UNC13A: variants seen among roughly 807,000 people sequenced by gnomAD.
The protein encoded by UNC13A is unc-13 homolog A, also known as protein unc-13 homolog A.
A neutral mutation model predicts 219.7 loss-of-function variants in UNC13A; 61 were observed. That is an observed-to-expected ratio of 0.28 (90% confidence interval 0.23 to 0.34). The LOEUF is 0.34. Among genes scored for constraint, UNC13A ranks in the 10% least tolerant of loss-of-function variants. UNC13A has a pLI of 1.00. For missense variants in UNC13A, 1,476 were observed against 2,270.3 expected, an observed-to-expected ratio of 0.65 and a Z score of 7.11; for synonymous variants, 920 against 884.6, an observed-to-expected ratio of 1.04 and a Z score of -0.71.
At chr19:17,652,589 G>T (rs1390896466) in intron 12 of UNC13A, 42 bp downstream of exon 12, 1 of 1,613,042 alleles carries the variant, frequency 6.2e-7, no homozygotes, top group Non-Finnish European at 8.5e-7. Context: ...TTGGACTTGG[G>T]GTTCAAATCT....
In UNC13A at chr19:17,677,497, G is replaced by A. The variant is rs1215684928; in HGVS notation, c.23-1456C>T. ...TCCTGCCTCAGCTTCCCAAGTAGCTGGGACTACAGGCGTGCGCCACCATGC... is the reference window on the plus strand; with the variant it reads ...TCCTGCCTCAGCTTCCCAAGTAGCTAGGACTACAGGCGTGCGCCACCATGC... On this transcript the variant is annotated intron_variant, in intron 1 of 43. Coordinates refer to ENST00000519716, the MANE Select transcript of UNC13A (RefSeq NM_001080421.3). Among the ~76,000 whole-genome samples the A allele has an allele frequency of 2.0e-5, 3 of 151,954 alleles. No individual in the cohort carries two copies. The East Asian group carries it at 5.8e-4, about 29-fold the overall frequency.
At chr19:17,647,661 A>C (rs1599374549) in intron 16 of UNC13A, among the ~76,000 whole-genome samples, 169 bp from the exon 17 acceptor site, 10 of 120,334 alleles carry the variant, frequency 8.3e-5, no homozygotes, top group South Asian at 2.7e-4. Flanking sequence ...TCACCCTTCC[A>C]CCTCCTCTCG....
chr19:17,628,030 A>G, intron 31 of UNC13A, 90 bp from the exon 32 acceptor site: 1 of 1,332,726 alleles, frequency 7.5e-7, no homozygotes. Context: ...GGATGGTTTC[A>G]GGGTCTGGGT....
Position 17,649,942 on chromosome 19 carries a change from A to C in UNC13A, c.1440-355T>G, listed in dbSNP as rs1277885297. Among the ~76,000 whole-genome samples, 1 of 152,146 alleles carries C rather than the reference A, an allele frequency of 6.6e-6. No individual in the cohort carries two copies. The stretch of plus-strand genomic sequence containing the variant: ...CTCGGGGGCCAAGGAATTCAAGCAA[A>C]CTAGAAGCTAGAAGAGGCAGGGGAG... On this transcript the variant is annotated intron_variant, in intron 12 of 43. Coordinates refer to ENST00000519716, the MANE Select transcript of UNC13A (RefSeq NM_001080421.3). The surrounding 1 kb of genome is among the most constrained non-coding windows in gnomAD (Gnocchi z 4.4).
intron 1 of UNC13A, among the ~76,000 whole-genome samples, chr19:17,683,870 C>T (rs1022707791): frequency 6.6e-6 from 1 of 152,062 alleles, no homozygotes; most frequent in African/African-American, 2.4e-5. Flanking sequence ...GGGTGAATCA[C>T]TTGAGCCCAG....
In UNC13A at chr19:17,640,639, T is replaced by C; in HGVS notation, c.2659A>G (p.Lys887Glu). ...AMTHFACLSS[K>E]YMCPGVPAVM... Reference sequence around the variant, plus strand: ...GCAGGCACCCCTGGGCACATATACTTGGAGGAGAGGCAGGCAAAGTGGCTG... The same window carrying C: ...GCAGGCACCCCTGGGCACATATACTCGGAGGAGAGGCAGGCAAAGTGGCTG... Residue 887 changes from lysine (K) to glutamate (E), a missense_variant, in exon 22 of 44, where the codon AAG (lysine) becomes GAG (glutamate). Physicochemically the swap from Lys to Glu is moderately conservative, Grantham distance 56. Coordinates refer to ENST00000519716, the MANE Select transcript of UNC13A (RefSeq NM_001080421.3). 6.3e-7 allele frequency: 1 copy of C among 1,592,734 alleles called. No individual in the cohort carries two copies. The highest frequency in any genetic ancestry group is 8.5e-7 in the Non-Finnish European group (1 of 1,170,518).
At chr19:17,614,896 G>A (rs1290333201) in intron 41 of UNC13A, among the ~76,000 whole-genome samples, 1 of 152,188 alleles carries the variant, frequency 6.6e-6, no homozygotes, top group East Asian at 1.9e-4. Flanking sequence ...GGGGGTGCCA[G>A]GGGGAATTGG....
chr19:17,620,795 C>A, intron 37 of UNC13A, 73 bp from the exon 38 acceptor site: 1 of 1,545,800 alleles, frequency 6.5e-7, no homozygotes, highest in South Asian at 1.2e-5. Flanking sequence ...CTTCCCTGCC[C>A]CCTCAAAGCA....
At chr19:17,679,225 C>A (rs7257957) in intron 1 of UNC13A, among the ~76,000 whole-genome samples, 16,491 of 151,832 alleles carry the variant, frequency 0.11, 1,629 homozygotes, top group African/African-American at 0.26. Context: ...CATGGTAAAA[C>A]CCCATCTCTA....
At chr19:17,673,357 C>CA (rs369463898) in intron 3 of UNC13A, among the ~76,000 whole-genome samples, 45,521 of 102,476 alleles carry the variant, frequency 0.44, 9,083 homozygotes, top group African/African-American at 0.55. Context: ...AACTCAGTCT[C>CA]AAAAAAAAAA....
intron 29 of UNC13A, 68 bp downstream of exon 29, chr19:17,630,586 G>T: frequency 6.4e-7 from 1 of 1,552,396 alleles, no homozygotes; most frequent in African/African-American, 1.4e-5. Flanking sequence ...TCATCTCAAG[G>T]GCAAATTTCC....
Position 17,649,188 on chromosome 19 carries a change from G to A in UNC13A, c.1524+151C>T. The A allele has an allele frequency of 7.6e-7, 1 of 1,322,810 alleles. No individual in the cohort carries two copies. The highest frequency in any genetic ancestry group is 1.0e-6 in the Non-Finnish European group (1 of 957,262). 81.9% of individuals were successfully genotyped at this position (1,322,810 alleles called of 1,614,324 possible). On this transcript the variant is annotated intron_variant, in intron 14 of 43. Coordinates refer to ENST00000519716, the MANE Select transcript of UNC13A (RefSeq NM_001080421.3). This position sits in a 1 kb window ranked among gnomAD's most constrained non-coding sequence, Gnocchi z 4.4. ...TTTGAGTTAGAAGGGACCCTGGAAAGTGAGCAGCCCCGCACCCCTGACTCA... is the reference window on the plus strand; with the variant it reads ...TTTGAGTTAGAAGGGACCCTGGAAAATGAGCAGCCCCGCACCCCTGACTCA...
chr19:17,636,285 A>C, intron 25 of UNC13A, 128 bp from the exon 26 acceptor site: 1 of 1,172,670 alleles, frequency 8.5e-7, no homozygotes, highest in South Asian at 2.0e-5. Flanking sequence ...TCAGGTAAGA[A>C]ATCTATATAG....
At chr19:17,611,991 G>A (rs966884498) in intron 41 of UNC13A, 136 bp from the exon 42 acceptor site, 1 of 651,452 alleles carries the variant, frequency 1.5e-6, no homozygotes, top group Admixed American at 2.8e-5. Flanking sequence ...CTGATGGGGG[G>A]CCAGGATGGG....
chr19:17,670,825 G>A (rs1237002076), intron 4 of UNC13A, among the ~76,000 whole-genome samples: 1 of 151,690 alleles, frequency 6.6e-6, no homozygotes, highest in Admixed American at 6.6e-5. Context: ...AATCACTTAA[G>A]CCAGGGAGGC....
chr19:17,623,878 A>G (rs1002102719), intron 35 of UNC13A, among the ~76,000 whole-genome samples: 1 of 151,926 alleles, frequency 6.6e-6, no homozygotes, highest in African/African-American at 2.4e-5. Context: ...ATCCCTCTAC[A>G]GATGTTTGGG....
At chr19:17,619,631 T>C (rs55945495) in intron 38 of UNC13A, among the ~76,000 whole-genome samples, 44,269 of 151,796 alleles carry the variant, frequency 0.29, 7,280 homozygotes, top group Non-Finnish European at 0.36. Context: ...TGGGGTCTTG[T>C]TGTGTTGTCC....
intron 3 of UNC13A, among the ~76,000 whole-genome samples, chr19:17,673,241 C>T (rs2079824558): frequency 1.3e-5 from 2 of 151,296 alleles, no homozygotes; most frequent in Admixed American, 6.6e-5. Flanking sequence ...TCTGTAATTC[C>T]AGCTACTCGG....
Position 17,658,273 on chromosome 19 carries a change from G to T in UNC13A, c.560-4C>A. ...ACTGCACTGTCGGGGTCATCGTCTG[G>T]AAGAGAGAGGCGGTATGGGAAGAGG... On this transcript the variant is annotated splice_region_variant and splice_polypyrimidine_tract_variant and intron_variant, in intron 8 of 43. Transcript: ENST00000519716. 1.9e-6 allele frequency: 3 copies of T among 1,609,770 alleles called. No homozygotes were observed. In the South Asian group the frequency reaches 3.3e-5, roughly 18 times the overall value.
Sources: allele counts gnomAD v4.1 joint callset (sites outside exome capture counted in the v4.1 genomes callset), GRCh38; gene constraint gnomAD v4.1.1; non-coding constraint Gnocchi (gnomAD v3.1); transcripts MANE v1.5; gene names NCBI Gene and HGNC (gene_info 2026-07-23, HGNC 2026-07-21).